The following FAM107A variants were observed in gnomAD, a reference collection of about 807,000 sequenced individuals.
The protein encoded by FAM107A is actin-associated protein FAM107A.
A neutral mutation model predicts 13.7 loss-of-function variants in FAM107A; 19 were observed. That is an observed-to-expected ratio of 1.38 (90% CI 0.97 to 2.03). FAM107A has a LOEUF of 2.03. Ranked by LOEUF, FAM107A falls within the 30% of genes most tolerant of loss-of-function variation. The pLI, the probability that FAM107A is intolerant of heterozygous loss-of-function variation, is 0.00. For missense variants in FAM107A, 203 were observed against 184.4 expected (o/e 1.10, Z -0.58); for synonymous variants, 82 against 74.5 (o/e 1.10, Z -0.52).
chr3:58,594,076 C>A (rs1049505644), intron 1 of FAM107A, among the ~76,000 whole-genome samples: 2 of 152,068 alleles, frequency 1.3e-5, no homozygotes, highest in Non-Finnish European at 2.9e-5. Flanking sequence ...CTTAGGTAAC[C>A]TTTCACCTTC....
intron 1 of FAM107A, among the ~76,000 whole-genome samples, chr3:58,623,562 G>A (rs2065979268): frequency 6.6e-6 from 1 of 152,210 alleles, no homozygotes; most frequent in Non-Finnish European, 1.5e-5. Context: ...TGACAGCTGA[G>A]GAAACTGAGG....
In FAM107A at chr3:58,569,824, C is replaced by T; in HGVS notation, c.37G>A (p.Gly13Arg). Residue 13 changes from glycine (G) to arginine (R), a missense_variant, in exon 2 of 4, where the codon GGG (glycine) becomes AGG (arginine). Physicochemically the swap from Gly to Arg is moderately radical, Grantham distance 125. Coordinates refer to ENST00000360997, the MANE Select transcript of FAM107A (RefSeq NM_001076778.3). The surrounding 1 kb of genome is among the most constrained non-coding windows in gnomAD (Gnocchi z 5.7). ...TATTCTGGCCGGGCCATCAGGCCCCCAATGTCTGCCCGCTCCCTCTGGATC... is the reference window on the plus strand; with the variant it reads ...TATTCTGGCCGGGCCATCAGGCCCCTAATGTCTGCCCGCTCCCTCTGGATC... ...SEIQRERADI[G>R]GLMARPEYRE... The T allele has an allele frequency of 6.2e-7, 1 of 1,614,178 alleles. No individual in the cohort carries two copies. The highest frequency in any genetic ancestry group is 8.5e-7 in the Non-Finnish European group (1 of 1,180,026).
rs1271868435 is a variant in FAM107A, at chr3:58,567,208, C to G, written c.327G>C (p.Gln109His). ...ELLRRQQRLNQLEKPPEKEED... is the reference protein window; with the variant it reads ...ELLRRQQRLNHLEKPPEKEED... ...TCCCTGCTGGGTGCCCATCACCCAC[C>G]TGGTTCAGCCTCTGCTGCCGTCTCA... is the stretch of plus-strand genomic sequence containing the variant. Residue 109 changes from glutamine (Q) to histidine (H), a missense_variant and splice_region_variant, in exon 3 of 4, where the codon CAG (glutamine) becomes CAC (histidine). Physicochemically the swap from Gln to His is conservative, Grantham distance 24. Transcript: ENST00000360997. The G allele has an allele frequency of 1.2e-6, 2 of 1,614,204 alleles. No homozygotes were observed. Among genetic ancestry groups the G allele is most frequent in the Non-Finnish European group, 1.7e-6 (2 of 1,180,032 alleles).
rs2065916971 is a variant in FAM107A at position 58,617,754 on chromosome 3, T to C, written c.-70+9662A>G. ...TGAACTTTAGGCCCCTCTTCAGTGC[T>C]ACTCCCAGGGGAGTGGAGCCACTAC... On this transcript the variant is annotated intron_variant, in intron 1 of 3. Coordinates refer to the FAM107A transcript ENST00000465970. The surrounding 1 kb of genome is among the most constrained non-coding windows in gnomAD (Gnocchi z 4.5). Among the ~76,000 whole-genome samples, 1 of 152,238 alleles carries C rather than the reference T, an allele frequency of 6.6e-6. No individual in the cohort carries two copies. Among genetic ancestry groups the C allele is most frequent in the Non-Finnish European group, 1.5e-5 (1 of 68,044 alleles).
At chr3:58,599,885 A>G (rs1485066705) in intron 1 of FAM107A, among the ~76,000 whole-genome samples, 1 of 151,752 alleles carries the variant, frequency 6.6e-6, no homozygotes, top group Non-Finnish European at 1.5e-5. Flanking sequence ...CATGTTGGTC[A>G]GGCTGGCCTC....
At chr3:58,572,214 T>A (rs1455739155) in intron 1 of FAM107A, among the ~76,000 whole-genome samples, 1 of 151,968 alleles carries the variant, frequency 6.6e-6, no homozygotes, top group East Asian at 1.9e-4. Context: ...TTCCTGGCAC[T>A]GTGGTAGACA....
intron 1 of FAM107A, among the ~76,000 whole-genome samples, chr3:58,623,850 T>G (rs539968583): frequency 6.6e-6 from 1 of 152,336 alleles, no homozygotes; most frequent in South Asian, 2.1e-4. Context: ...GAAGCGGCAG[T>G]GCATGCGAGC....
chr3:58,618,195 G>T (rs1322879063), intron 1 of FAM107A, among the ~76,000 whole-genome samples: 1 of 152,216 alleles, frequency 6.6e-6, no homozygotes, highest in Non-Finnish European at 1.5e-5. Flanking sequence ...CAAGGTTTCT[G>T]TAAGGCCTTG....
intron 1 of FAM107A, among the ~76,000 whole-genome samples, chr3:58,600,411 C>T (rs1245920059): frequency 6.6e-6 from 1 of 152,184 alleles, no homozygotes; most frequent in Non-Finnish European, 1.5e-5. Flanking sequence ...ACCCATGCAG[C>T]AGGCATGATC....
intron 1 of FAM107A, among the ~76,000 whole-genome samples, chr3:58,575,181 T>C (rs980656550): frequency 1.3e-5 from 2 of 152,186 alleles, no homozygotes; most frequent in African/African-American, 4.8e-5. Context: ...TTAAAGCAGA[T>C]GTTTTAGTGG....
At chr3:58,611,551 G>A (rs2065854247) in intron 1 of FAM107A, among the ~76,000 whole-genome samples, 1 of 152,246 alleles carries the variant, frequency 6.6e-6, no homozygotes, top group Admixed American at 6.5e-5. Flanking sequence ...TGACAACTTG[G>A]TTGAGAGCAG....
chr3:58,569,837 C>A lies in FAM107A; in HGVS notation c.24G>T (p.Glu8Asp). The change falls in exon 2 of 4, where the codon GAG becomes GAT. Residue 8 changes from glutamate (E) to aspartate (D), a missense_variant. Physicochemically the swap from Glu to Asp is conservative, Grantham distance 45. Transcript: ENST00000360997. The surrounding 1 kb of genome is among the most constrained non-coding windows in gnomAD (Gnocchi z 5.7). ...CCATCAGGCCCCCAATGTCTGCCCG[C>A]TCCCTCTGGATCTCCGAGTACATGG... is the stretch of plus-strand genomic sequence containing the variant. MYSEIQR[E>D]RADIGGLMAR... 1 of 1,614,112 alleles carries A rather than the reference C, an allele frequency of 6.2e-7. No homozygotes were observed. The highest frequency in any genetic ancestry group is 8.5e-7 in the Non-Finnish European group (1 of 1,180,000).
chr3:58,589,672 G>A (rs2108064243), upstream of FAM107A, among the ~76,000 whole-genome samples: 1 of 152,246 alleles, frequency 6.6e-6, no homozygotes, highest in African/African-American at 2.4e-5. Context: ...AGACCATATT[G>A]ATGCATTATT....
intron 1 of FAM107A, among the ~76,000 whole-genome samples, chr3:58,619,946 G>A (rs533898307): frequency 6.6e-6 from 1 of 152,112 alleles, no homozygotes; most frequent in Admixed American, 6.5e-5. Flanking sequence ...GGGAAGGAGG[G>A]ACATGTGGGG....
intron 1 of FAM107A, chr3:58,586,713 C>A (rs2065609666): frequency 1.1e-6 from 1 of 923,794 alleles, no homozygotes; most frequent in Non-Finnish European, 1.5e-6. Flanking sequence ...AACAAAAAAG[C>A]AAAAAGAATG....
upstream of FAM107A, among the ~76,000 whole-genome samples, chr3:58,589,934 T>TA (rs1426216866): frequency 1.3e-5 from 2 of 152,182 alleles, no homozygotes; most frequent in African/African-American, 4.8e-5. Context: ...GCCTTCTTCT[T>TA]ACCTTCCTGG....
chr3:58,612,989 G>A (rs573541791), intron 1 of FAM107A, among the ~76,000 whole-genome samples: 4 of 152,156 alleles, frequency 2.6e-5, no homozygotes, highest in Non-Finnish European at 5.9e-5. Flanking sequence ...AATTGACGGC[G>A]CACAGGGAAC....
chr3:58,584,896 G>A (rs1008041463), intron 1 of FAM107A, among the ~76,000 whole-genome samples: 1 of 152,186 alleles, frequency 6.6e-6, no homozygotes, highest in East Asian at 1.9e-4. Flanking sequence ...CTCCCGCCCT[G>A]TGGAGTGTAC....
chr3:58,580,411 A>ATTTTTTT (rs35805159), upstream of FAM107A, among the ~76,000 whole-genome samples: 3 of 89,032 alleles, frequency 3.4e-5, no homozygotes, highest in Non-Finnish European at 4.4e-5. Flanking sequence ...AGGAATCTGG[A>ATTTTTTT]TTTTTTTTTT....
Sources: allele counts gnomAD v4.1 joint callset (sites outside exome capture counted in the v4.1 genomes callset), GRCh38; gene constraint gnomAD v4.1.1; non-coding constraint Gnocchi (gnomAD v3.1); transcripts MANE v1.5; gene names NCBI Gene and HGNC (gene_info 2026-07-23, HGNC 2026-07-21).